The following PBX1 variants were observed in gnomAD, a reference collection of about 807,000 sequenced individuals.
The protein encoded by PBX1 is pre-B-cell leukemia transcription factor 1.
Under a neutral mutation model 53.4 loss-of-function variants are expected in PBX1, and 6 were observed. The observed-to-expected ratio is 0.11, with a 90% confidence interval of 0.06 to 0.22. The LOEUF is 0.22. Ranked by LOEUF, PBX1 falls within the 10% of genes least tolerant of loss-of-function variation. PBX1 has a pLI of 1.00. For synonymous variants in PBX1, 204 were observed against 212.3 expected, an observed-to-expected ratio of 0.96 and a Z score of 0.34; for missense variants, 251 against 551.4, an observed-to-expected ratio of 0.46 and a Z score of 5.46.
chr1:164,729,603 C>T (rs531723930), intron 2 of PBX1, among the ~76,000 whole-genome samples: 108 of 152,120 alleles, frequency 7.1e-4, no homozygotes, highest in African/African-American at 2.5e-3. Flanking sequence ...TTTATTTAAC[C>T]TTTTGAAAGA....
chr1:164,789,857 G>A (rs560617750), intron 2 of PBX1, among the ~76,000 whole-genome samples: 1 of 152,248 alleles, frequency 6.6e-6, no homozygotes, highest in East Asian at 1.9e-4. Flanking sequence ...AAGTATATTG[G>A]ACATGAGATT....
At chr1:164,593,056 C>T (rs1283787713) in intron 2 of PBX1, among the ~76,000 whole-genome samples, 2 of 151,700 alleles carry the variant, frequency 1.3e-5, no homozygotes, top group African/African-American at 4.8e-5. Flanking sequence ...CTCCTGGGTT[C>T]AAGGGATTCT....
intron 2 of PBX1, chr1:164,680,170 A>G (rs1035810954): frequency 6.6e-6 from 1 of 152,278 alleles, no homozygotes; most frequent in Non-Finnish European, 1.5e-5. Flanking sequence ...AGGAAAATCT[A>G]TTTTCAGTCA....
chr1:164,738,088 G>T (rs191017099), intron 2 of PBX1, among the ~76,000 whole-genome samples: 49 of 152,132 alleles, frequency 3.2e-4, no homozygotes, highest in Non-Finnish European at 5.6e-4. Context: ...TGGCTTAATA[G>T]TTTGTTGTTT....
At chr1:164,774,139 A>C (rs960320339) in intron 2 of PBX1, among the ~76,000 whole-genome samples, 1 of 152,216 alleles carries the variant, frequency 6.6e-6, no homozygotes, top group Non-Finnish European at 1.5e-5. Flanking sequence ...TGTTAAGGAA[A>C]GTTCTTCACA....
chr1:164,798,235 G>T (rs926361225), intron 3 of PBX1, among the ~76,000 whole-genome samples: 1 of 152,182 alleles, frequency 6.6e-6, no homozygotes, highest in Non-Finnish European at 1.5e-5. Flanking sequence ...GTCTACTATT[G>T]TTATTGTTAT....
chr1:164,566,336 T>A (rs1038286558), intron 2 of PBX1, among the ~76,000 whole-genome samples: 1 of 152,096 alleles, frequency 6.6e-6, no homozygotes, highest in Admixed American at 6.6e-5. Flanking sequence ...TTTTCGCTTT[T>A]AAAAAAATAA....
chr1:164,884,522 G>A (rs1397154285), intron 2 of PBX1: 1 of 502,334 alleles, frequency 2.0e-6, no homozygotes, highest in Non-Finnish European at 3.9e-6. Flanking sequence ...AGTTAAACTG[G>A]AATTTTTCCT....
At chr1:164,620,484 G>C (rs1170868579) in intron 2 of PBX1, among the ~76,000 whole-genome samples, 1 of 125,994 alleles carries the variant, frequency 7.9e-6, no homozygotes, top group Non-Finnish European at 1.8e-5. Flanking sequence ...GTATGTGGGT[G>C]TGTGTGTGCA....
At chr1:164,855,073 C>G (rs1178362827), downstream of PBX1, among the ~76,000 whole-genome samples, 2 of 151,686 alleles carry the variant, frequency 1.3e-5, no homozygotes, top group Non-Finnish European at 2.9e-5. Context: ...CTCAGCTACC[C>G]AAGTAGCTGG....
chr1:164,739,480 A>C (rs528556165), intron 2 of PBX1, among the ~76,000 whole-genome samples: 1 of 152,128 alleles, frequency 6.6e-6, no homozygotes, highest in South Asian at 2.1e-4. Flanking sequence ...TTCCCTAACC[A>C]CCCAAACTGG....
chr1:164,790,185 T>A (rs1668422323), intron 2 of PBX1, among the ~76,000 whole-genome samples: 2 of 152,188 alleles, frequency 1.3e-5, no homozygotes, highest in African/African-American at 4.8e-5. Context: ...AGGAAACCTT[T>A]GTTAGTGGCA....
chr1:164,819,733 T>C (rs1670055695), intron 6 of PBX1: 3 of 184,442 alleles, frequency 1.6e-5, no homozygotes, highest in African/African-American at 7.1e-5. Context: ...CCTAGAATTT[T>C]AGAGGCATAG....
chr1:164,768,196 A>G (rs1418307190), intron 2 of PBX1, among the ~76,000 whole-genome samples: 1 of 152,240 alleles, frequency 6.6e-6, no homozygotes, highest in Non-Finnish European at 1.5e-5. Flanking sequence ...GCAGACAGCA[A>G]GTACAGCCGG....
intron 8 of PBX1, among the ~76,000 whole-genome samples, chr1:164,838,371 A>G (rs1354776016): frequency 6.6e-6 from 1 of 152,184 alleles, no homozygotes; most frequent in East Asian, 1.9e-4. Context: ...GTCTTGTTCA[A>G]AACCAAGTTT....
rs181241966 is a variant in PBX1 at position 164,646,501 on chromosome 1, T to A, written c.265+83190T>A. On this transcript the variant is annotated intron_variant, in intron 2 of 8. Transcript: ENST00000420696. Reference sequence around the variant, plus strand: ...ACCTCTGACCTGGCTGCCAAAGACCTGTGGATGCTTCTGATGGGGAGATAT... The same window carrying A: ...ACCTCTGACCTGGCTGCCAAAGACCAGTGGATGCTTCTGATGGGGAGATAT... Among the ~76,000 whole-genome samples the A allele has an allele frequency of 2.3e-3, 355 of 152,248 alleles. 1 individual carries two copies. Among genetic ancestry groups the A allele is most frequent in the African/African-American group, 8.4e-3 (348 of 41,552 alleles).
intron 2 of PBX1, among the ~76,000 whole-genome samples, chr1:164,620,488 G>A (rs1471140652): frequency 6.6e-6 from 1 of 152,096 alleles, no homozygotes; most frequent in Non-Finnish European, 1.5e-5. Flanking sequence ...GTGGGTGTGT[G>A]TGTGCAATCT....
intron 2 of PBX1, among the ~76,000 whole-genome samples, chr1:164,767,047 A>T (rs1379629075): frequency 6.6e-6 from 1 of 151,924 alleles, no homozygotes; most frequent in Non-Finnish European, 1.5e-5. Flanking sequence ...TGCAACCTAT[A>T]ACACATTTTC....
chr1:164,561,981 A>C (rs1653084580), intron 1 of PBX1, among the ~76,000 whole-genome samples: 1 of 152,032 alleles, frequency 6.6e-6, no homozygotes. Flanking sequence ...ATGAGAACTT[A>C]CTAAAATCAA....
Sources: gnomAD v4.1 joint callset for allele counts (sites outside exome capture counted in the v4.1 genomes callset) on GRCh38, gnomAD v4.1.1 for gene constraint, MANE v1.5 for transcripts, NCBI Gene and HGNC (gene_info 2026-07-23, HGNC 2026-07-21) for gene names.